The following KCNMA1 variants were observed in gnomAD, a reference collection of about 807,000 sequenced individuals.
The protein encoded by KCNMA1 is potassium calcium-activated channel subfamily M alpha 1.
KCNMA1 carries 29 observed loss-of-function variants against 140.0 expected under a neutral mutation model. The ratio of observed to expected loss-of-function variants is 0.21; its 90% CI spans 0.15 to 0.28. KCNMA1 has a LOEUF of 0.28. Among genes scored for constraint, KCNMA1 ranks in the 10% least tolerant of loss-of-function variants. The pLI, the probability that KCNMA1 is intolerant of heterozygous loss-of-function variation, is 1.00. For missense variants in KCNMA1, 880 were observed against 1,602.2 expected (o/e 0.55, Z 7.70); for synonymous variants, 612 against 611.9 (o/e 1.00, Z 0.00).
chr10:77,568,514 GC>G (rs1447250541), intron 1 of KCNMA1, among the ~76,000 whole-genome samples: 1 of 151,790 alleles, frequency 6.6e-6, no homozygotes, highest in Non-Finnish European at 1.5e-5. Flanking sequence ...TGCAGAAAAG[GC>G]CTTTGACAAA....
chr10:77,459,766 C>A, intron 1 of KCNMA1, among the ~76,000 whole-genome samples: 1 of 152,208 alleles, frequency 6.6e-6, no homozygotes, highest in East Asian at 1.9e-4. Flanking sequence ...AGAACACAGA[C>A]TCTCTGGAGC....
intron 2 of KCNMA1, among the ~76,000 whole-genome samples, chr10:77,382,748 C>T (rs1257163521): frequency 6.7e-6 from 1 of 149,328 alleles, no homozygotes; most frequent in African/African-American, 2.5e-5. Flanking sequence ...GCCTGTAATC[C>T]CAGCTACTCA....
intron 1 of KCNMA1, among the ~76,000 whole-genome samples, chr10:77,586,674 A>AT (rs1199855015): frequency 6.6e-6 from 1 of 152,192 alleles, no homozygotes; most frequent in African/African-American, 2.4e-5. Flanking sequence ...TAAAATCTTT[A>AT]TTTTTCCCTC....
At chr10:77,048,235 T>C (rs1459107573) in intron 14 of KCNMA1, among the ~76,000 whole-genome samples, 1 of 152,232 alleles carries the variant, frequency 6.6e-6, no homozygotes, top group Non-Finnish European at 1.5e-5. Context: ...CCAATTGCTT[T>C]GAAAGTTTCT....
intron 1 of KCNMA1, among the ~76,000 whole-genome samples, chr10:77,485,141 T>G (rs76075695): frequency 6.6e-6 from 1 of 152,220 alleles, no homozygotes; most frequent in Non-Finnish European, 1.5e-5. Context: ...TGTGGAGACA[T>G]AGGGAGCACT....
intron 2 of KCNMA1, among the ~76,000 whole-genome samples, chr10:77,335,278 C>G (rs1412763162): frequency 6.6e-6 from 1 of 152,242 alleles, no homozygotes; most frequent in Admixed American, 6.5e-5. Flanking sequence ...CTGTTCCACA[C>G]TGCCTCTTCT....
At chr10:77,310,335 G>A (rs2078951575) in intron 2 of KCNMA1, among the ~76,000 whole-genome samples, 1 of 152,096 alleles carries the variant, frequency 6.6e-6, no homozygotes, top group Non-Finnish European at 1.5e-5. Flanking sequence ...ACAACCAAAG[G>A]GTTAATTTCT....
At chr10:77,025,581 G>GT (rs1455269524) in intron 16 of KCNMA1, 8 of 752,362 alleles carry the variant, frequency 1.1e-5, no homozygotes, top group South Asian at 3.1e-5. Context: ...TGAAAACAAG[G>GT]TTTTTTGGCA....
intron 5 of KCNMA1, among the ~76,000 whole-genome samples, chr10:77,127,494 T>C (rs1261894104): frequency 1.3e-5 from 2 of 152,080 alleles, no homozygotes; most frequent in Non-Finnish European, 2.9e-5. Context: ...TCCTCACAAT[T>C]TGCATTCCCT....
chr10:77,383,502 G>A (rs770908589), intron 2 of KCNMA1, among the ~76,000 whole-genome samples: 9 of 151,374 alleles, frequency 5.9e-5, no homozygotes, highest in Non-Finnish European at 1.0e-4. Context: ...ATACAGCTCA[G>A]TGGTATTAAG....
At chr10:77,001,636 C>A in intron 18 of KCNMA1, 56 bp from the exon 19 acceptor site, 2 of 1,425,012 alleles carry the variant, frequency 1.4e-6, no homozygotes, top group South Asian at 2.6e-5. Context: ...ATGGCAAGGT[C>A]ACACACAGCA....
intron 19 of KCNMA1, among the ~76,000 whole-genome samples, chr10:76,988,528 A>T (rs2081907874): frequency 6.6e-6 from 1 of 152,170 alleles, no homozygotes; most frequent in Non-Finnish European, 1.5e-5. Flanking sequence ...GTCCCATCTC[A>T]AAAAACAACA....
rs1360329722 is a variant in KCNMA1, at chr10:76,955,132, T to C, written c.2361-1208A>G. ...ATACATCGGGTCACATTCCATAAAT[T>C]GTAAAGTGATTTTACCTTTTGAAAT... is the stretch of plus-strand genomic sequence containing the variant. On this transcript the variant is annotated intron_variant, in intron 20 of 27. Coordinates refer to ENST00000286628, the MANE Select transcript of KCNMA1 (RefSeq NM_001161352.2). Among the ~76,000 whole-genome samples, 4 of 152,096 alleles carry C rather than the reference T, an allele frequency of 2.6e-5. No individual in the cohort carries two copies. In the South Asian group the frequency reaches 6.2e-4, roughly 24 times the overall value.
intron 1 of KCNMA1, among the ~76,000 whole-genome samples, chr10:77,567,902 G>T (rs1408627997): frequency 6.6e-6 from 1 of 152,188 alleles, no homozygotes; most frequent in African/African-American, 2.4e-5. Context: ...CACTAGCCTG[G>T]CCAACATGGT....
chr10:77,403,742 C>G (rs1338451812), intron 2 of KCNMA1, 120 bp downstream of exon 2: 10 of 980,340 alleles, frequency 1.0e-5, no homozygotes, highest in Non-Finnish European at 1.5e-5. Context: ...TGCTGCTCAC[C>G]CCCACCTCCC....
intron 25 of KCNMA1, among the ~76,000 whole-genome samples, chr10:76,893,301 G>C (rs888873486): frequency 3.3e-5 from 5 of 152,160 alleles, no homozygotes; most frequent in African/African-American, 9.7e-5. Context: ...GAGACATGAG[G>C]CCTTTGCCAA....
intron 1 of KCNMA1, among the ~76,000 whole-genome samples, chr10:77,537,048 A>G (rs2059053822): frequency 1.3e-5 from 2 of 152,158 alleles, no homozygotes; most frequent in South Asian, 4.2e-4. Flanking sequence ...GCCTCTTATT[A>G]TTTTATGTTC....
intron 5 of KCNMA1, among the ~76,000 whole-genome samples, chr10:77,161,390 G>C (rs550103289): frequency 1.1e-4 from 17 of 152,214 alleles, no homozygotes; most frequent in African/African-American, 3.9e-4. Context: ...TAGGACTACA[G>C]GCATAAGCCA....
chr10:76,884,810 G>A, downstream of KCNMA1: 1 of 967,086 alleles, frequency 1.0e-6, no homozygotes. Context: ...GGGGGGAAAA[G>A]CAAAACAAAA....
Sources: gnomAD v4.1 joint callset for allele counts (sites outside exome capture counted in the v4.1 genomes callset) on GRCh38, gnomAD v4.1.1 for gene constraint, MANE v1.5 for transcripts, NCBI Gene and HGNC (gene_info 2026-07-23, HGNC 2026-07-21) for gene names.